Variants in FAM13C observed in about 807,000 individuals in gnomAD.
FAM13C encodes protein FAM13C.
Under a neutral mutation model 73.2 loss-of-function variants are expected in FAM13C, and 37 were observed. That is an observed-to-expected ratio of 0.51 (90% CI 0.39 to 0.67). The LOEUF is 0.67. Ranked by LOEUF, FAM13C falls within the 30% of genes least tolerant of loss-of-function variation. FAM13C has a pLI of 0.00. For missense variants in FAM13C, 589 were observed against 715.6 expected (o/e 0.82, Z 2.02); for synonymous variants, 246 against 260.9 (o/e 0.94, Z 0.55).
At chr10:59,278,922 G>A (rs1844627239) in intron 6 of FAM13C, among the ~76,000 whole-genome samples, 2 of 152,092 alleles carry the variant, frequency 1.3e-5, no homozygotes. Context: ...GTTGAATGAA[G>A]ATCTCTTCTT....
At chr10:59,343,945 ATTTCTTTTTTTTTTTCTTT>A (rs1040659555) in intron 3 of FAM13C, among the ~76,000 whole-genome samples, 1 of 147,518 alleles carries the variant, frequency 6.8e-6, no homozygotes, top group Admixed American at 6.7e-5. Flanking sequence ...TCTATAAACT[ATTTCTTTTTTTTTTTCTTT>A]TTTCTTTTTT....
intron 4 of FAM13C, among the ~76,000 whole-genome samples, chr10:59,322,351 G>A (rs183019708): frequency 9.1e-4 from 139 of 152,276 alleles, no homozygotes; most frequent in Admixed American, 2.0e-3. Flanking sequence ...CAGATCCTGC[G>A]ATTGCTGACA....
chr10:59,270,577 G>A (rs1254980558), intron 6 of FAM13C, among the ~76,000 whole-genome samples: 1 of 151,958 alleles, frequency 6.6e-6, no homozygotes, highest in African/African-American at 2.4e-5. Flanking sequence ...GGAAGAGAGG[G>A]GAGAGGAGTC....
chr10:59,251,349 T>G, intron 13 of FAM13C: 1 of 477,960 alleles, frequency 2.1e-6, no homozygotes, highest in Non-Finnish European at 3.7e-6. Context: ...GTTTATCCTT[T>G]ATTTTTTACA....
chr10:59,356,847 C>T (rs7069709), intron 1 of FAM13C, among the ~76,000 whole-genome samples: 15,076 of 152,184 alleles, frequency 0.099, 1,115 homozygotes, highest in African/African-American at 0.21. Context: ...GAGTAGGCAC[C>T]ATCTAATCAG....
At chr10:59,351,323 C>T (rs753106747) in intron 3 of FAM13C, among the ~76,000 whole-genome samples, 1 of 80,018 alleles carries the variant, frequency 1.2e-5, no homozygotes, top group Non-Finnish European at 2.7e-5. Context: ...CAGAGTGAGA[C>T]CCTGTCTCAA....
At chr10:59,268,226 AAAGAAG>A (rs61116802) in intron 8 of FAM13C, among the ~76,000 whole-genome samples, 34,053 of 151,076 alleles carry the variant, frequency 0.23, 5,099 homozygotes, top group African/African-American at 0.42. Flanking sequence ...GAAAAAAGAA[AAAGAAG>A]AAGAAGAAGA....
At chr10:59,315,442 T>C (rs1474435666) in intron 4 of FAM13C, among the ~76,000 whole-genome samples, 2 of 152,206 alleles carry the variant, frequency 1.3e-5, no homozygotes, top group African/African-American at 4.8e-5. Context: ...TGAAATTTAG[T>C]GGGGTTTTTT....
chr10:59,261,271 G>A (rs1340590315), intron 10 of FAM13C, among the ~76,000 whole-genome samples: 1 of 152,098 alleles, frequency 6.6e-6, no homozygotes. Context: ...ACATGTATTT[G>A]TTGTTGTTTT....
intron 3 of FAM13C, among the ~76,000 whole-genome samples, chr10:59,347,097 TA>T (rs1564618536): frequency 6.6e-6 from 1 of 152,128 alleles, no homozygotes; most frequent in African/African-American, 2.4e-5. Flanking sequence ...AAAAAAGAGA[TA>T]AACAAGCAGA....
chr10:59,280,357 C>CA (rs1844791262), intron 6 of FAM13C, among the ~76,000 whole-genome samples: 1 of 152,178 alleles, frequency 6.6e-6, no homozygotes, highest in Admixed American at 6.5e-5. Flanking sequence ...CCTATATCCC[C>CA]ATCCCACTCA....
At chr10:59,263,914 A>C in intron 9 of FAM13C, 171 bp downstream of exon 9, 1 of 632,958 alleles carries the variant, frequency 1.6e-6, no homozygotes, top group Non-Finnish European at 2.8e-6. Context: ...ACATGGGGCC[A>C]AACAATGACA....
At chr10:59,304,880 C>T (rs1346446653) in intron 4 of FAM13C, among the ~76,000 whole-genome samples, 1 of 143,782 alleles carries the variant, frequency 7.0e-6, no homozygotes, top group African/African-American at 2.6e-5. Flanking sequence ...GGCATTTGTT[C>T]CCTAGAGAAC....
intron 4 of FAM13C, among the ~76,000 whole-genome samples, chr10:59,314,446 C>A (rs1849289575): frequency 1.3e-5 from 2 of 152,178 alleles, no homozygotes; most frequent in Non-Finnish European, 1.5e-5. Flanking sequence ...AAGGAAGCAA[C>A]AAAGCTGGAA....
At chr10:59,322,603 C>G (rs1850468748) in intron 4 of FAM13C, among the ~76,000 whole-genome samples, 1 of 152,224 alleles carries the variant, frequency 6.6e-6, no homozygotes. Flanking sequence ...CTGTTGGTCT[C>G]TGTTAAATAT....
At chr10:59,291,334 A>G (rs896673621) in intron 5 of FAM13C, among the ~76,000 whole-genome samples, 19 of 152,190 alleles carry the variant, frequency 1.2e-4, no homozygotes, top group African/African-American at 4.3e-4. Flanking sequence ...AGCCAAATTT[A>G]TCCCTCCCCT....
chr10:59,296,516 C>T (rs547265943), intron 5 of FAM13C, among the ~76,000 whole-genome samples: 6 of 152,256 alleles, frequency 3.9e-5, no homozygotes, highest in African/African-American at 1.4e-4. Context: ...TAAATCATCT[C>T]TTTTATACCA....
At chr10:59,298,777 T>C (rs1564545127) in intron 5 of FAM13C, among the ~76,000 whole-genome samples, 1 of 152,216 alleles carries the variant, frequency 6.6e-6, no homozygotes, top group Non-Finnish European at 1.5e-5. Context: ...TTGGTTTTCC[T>C]TATTCCATCC....
At chr10:59,284,468 A>G (rs1845315115) in intron 5 of FAM13C, among the ~76,000 whole-genome samples, 1 of 151,568 alleles carries the variant, frequency 6.6e-6, no homozygotes, top group African/African-American at 2.4e-5. Context: ...CCTCCAACAC[A>G]CACAGGCACA....
Sources: allele counts gnomAD v4.1 joint callset (sites outside exome capture counted in the v4.1 genomes callset), GRCh38; gene constraint gnomAD v4.1.1; transcripts MANE v1.5; gene names NCBI Gene and HGNC (gene_info 2026-07-23, HGNC 2026-07-21).